PTPRG: variants seen among roughly 807,000 people sequenced by gnomAD.
The protein encoded by PTPRG is protein tyrosine phosphatase receptor type G.
PTPRG carries 102 observed loss-of-function variants against 165.3 expected under a neutral mutation model. The ratio of observed to expected loss-of-function variants is 0.62; its 90% confidence interval spans 0.53 to 0.73. The LOEUF (loss-of-function observed/expected upper bound fraction) is 0.73, where lower values mean the gene tolerates loss of function less well. Ranked by LOEUF, PTPRG falls within the 30% of genes least tolerant of loss-of-function variation. The probability of loss-of-function intolerance (pLI) is 0.00; values close to 1 mark genes in which losing one functional copy is unlikely to be tolerated. For missense variants in PTPRG, 1,866 were observed against 1,861.4 expected (o/e 1.00, Z -0.05); for synonymous variants, 675 against 669.5 (o/e 1.01, Z -0.13).
intron 5 of PTPRG, among the ~76,000 whole-genome samples, chr3:62,105,774 A>G (rs1033673891): frequency 1.5e-4 from 23 of 152,218 alleles, no homozygotes; most frequent in African/African-American, 5.1e-4. Flanking sequence ...TCTTTGAGGT[A>G]TAATTTGTGA....
chr3:61,790,064 T>C (rs1215989240), intron 2 of PTPRG, among the ~76,000 whole-genome samples: 1 of 152,180 alleles, frequency 6.6e-6, no homozygotes, highest in Non-Finnish European at 1.5e-5. Context: ...TTTCTCCCTG[T>C]GTTGCAGAGT....
chr3:62,273,985 T>G lies in PTPRG; in HGVS notation c.3465+141T>G. On this transcript the variant is annotated intron_variant, in intron 23 of 29. Transcript: ENST00000474889. This position sits in a 1 kb window ranked among gnomAD's most constrained non-coding sequence, Gnocchi z 4.1. ...TACTCCTTGTACTCCTTAAATGTGA[T>G]GAAAAAGAAAATACGGTTTTGACCT... 1.2e-6 allele frequency: 1 copy of G among 828,472 alleles called. No individual in the cohort carries two copies. Among genetic ancestry groups the G allele is most frequent in the Non-Finnish European group, 1.8e-6 (1 of 544,092 alleles). The allele number at this position is 828,472 out of a possible 1,614,324, so 51.3% of individuals were successfully genotyped here. A position where few individuals can be genotyped will look rare whatever the true frequency, so the allele number is the denominator to read the frequency against.
At chr3:62,284,678 T>G (rs1702571569) in intron 28 of PTPRG, among the ~76,000 whole-genome samples, 1 of 152,102 alleles carries the variant, frequency 6.6e-6, no homozygotes, top group Non-Finnish European at 1.5e-5. Context: ...ACACGTCACA[T>G]TCAGCATAGC....
At chr3:61,696,283 C>T (rs530238573) in intron 1 of PTPRG, among the ~76,000 whole-genome samples, 19 of 152,266 alleles carry the variant, frequency 1.2e-4, no homozygotes, top group Admixed American at 5.9e-4. Flanking sequence ...GCGTGGTTCG[C>T]CTGAGGCCAG....
intron 2 of PTPRG, among the ~76,000 whole-genome samples, chr3:61,863,348 G>A (rs930847042): frequency 1.3e-5 from 2 of 152,172 alleles, no homozygotes; most frequent in African/African-American, 2.4e-5. Flanking sequence ...TAGGTATATA[G>A]GCATTTGCTC....
At chr3:61,580,236 G>A (rs1700256511) in intron 1 of PTPRG, among the ~76,000 whole-genome samples, 2 of 152,106 alleles carry the variant, frequency 1.3e-5, no homozygotes, top group Admixed American at 1.3e-4. Flanking sequence ...GAGCCCAGGA[G>A]TTTGCAGCCA....
intron 6 of PTPRG, among the ~76,000 whole-genome samples, chr3:62,142,370 C>T (rs1409408743): frequency 6.6e-6 from 1 of 151,920 alleles, no homozygotes; most frequent in African/African-American, 2.4e-5. Context: ...GCTGGCTGGC[C>T]GGGTAGGGGA....
intron 2 of PTPRG, among the ~76,000 whole-genome samples, chr3:61,802,305 G>C (rs1430814531): frequency 6.6e-6 from 1 of 152,134 alleles, no homozygotes; most frequent in Non-Finnish European, 1.5e-5. Context: ...TGACCACTGA[G>C]ACGAGAACCA....
chr3:62,199,205 A>G (rs144623514), intron 10 of PTPRG, among the ~76,000 whole-genome samples: 1,883 of 152,224 alleles, frequency 0.012, 38 homozygotes, highest in Non-Finnish European at 0.013. Context: ...GAGCAGCTCA[A>G]TGATCATGGG....
intron 1 of PTPRG, among the ~76,000 whole-genome samples, chr3:61,636,781 T>G (rs1490176095): frequency 6.6e-6 from 1 of 152,038 alleles, no homozygotes; most frequent in Non-Finnish European, 1.5e-5. Flanking sequence ...TTCAAATGCT[T>G]TTTTTTTGTA....
At chr3:61,905,103 A>G (rs1278005135) in intron 2 of PTPRG, among the ~76,000 whole-genome samples, 2 of 152,170 alleles carry the variant, frequency 1.3e-5, no homozygotes, top group African/African-American at 4.8e-5. Flanking sequence ...GCCACACTAT[A>G]GATATTTGAA....
chr3:61,612,576 G>A (rs1220072848), intron 1 of PTPRG, among the ~76,000 whole-genome samples: 1 of 152,142 alleles, frequency 6.6e-6, no homozygotes, highest in Middle Eastern at 3.2e-3. Context: ...CTTCTCCACT[G>A]CTTTTGAAAG....
At chr3:61,663,050 G>C (rs1702710637) in intron 1 of PTPRG, among the ~76,000 whole-genome samples, 1 of 152,208 alleles carries the variant, frequency 6.6e-6, no homozygotes, top group Non-Finnish European at 1.5e-5. Context: ...TTGGAAGGCT[G>C]AAGTGGGTGG....
chr3:61,757,763 T>G (rs898135774), intron 2 of PTPRG, among the ~76,000 whole-genome samples: 1 of 152,252 alleles, frequency 6.6e-6, no homozygotes, highest in African/African-American at 2.4e-5. Context: ...TTTTCATATC[T>G]GCGATGAATC....
At chr3:61,749,183 A>T (rs2033334856) in intron 2 of PTPRG, 1 of 676,938 alleles carries the variant, frequency 1.5e-6, no homozygotes. Flanking sequence ...CTGTTTCCTC[A>T]ACCTGTTTTC....
At chr3:61,981,394 C>T (rs1307347685) in intron 2 of PTPRG, among the ~76,000 whole-genome samples, 1 of 152,234 alleles carries the variant, frequency 6.6e-6, no homozygotes, top group Non-Finnish European at 1.5e-5. Flanking sequence ...ACACCCTTTG[C>T]TGATTCAATC....
Position 62,203,186 on chromosome 3 carries a change from C to T in PTPRG, c.1391C>T (p.Pro464Leu). 1.3e-6 allele frequency: 2 copies of T among 1,593,556 alleles called. No individual in the cohort carries two copies. The highest frequency in any genetic ancestry group is 1.7e-6 in the Non-Finnish European group (2 of 1,166,698). ...GACCCTTTCCAGCCCACAGCGTCTC[C>T]TGCCTCTTCAGCCGACATGGCCCCC... ...IVKTGVPTAS[P>L]ASSADMAPIS... The change falls in exon 12 of 30, where the codon CCT becomes CTT. Residue 464 changes from proline to leucine, a missense_variant. This residue lies in a region of PTPRG where 1,452 missense variants were observed against 1,463.0 expected (regional missense o/e 0.99). Coordinates refer to ENST00000474889, the MANE Select transcript of PTPRG (RefSeq NM_002841.4). The surrounding 1 kb of genome is among the most constrained non-coding windows in gnomAD (Gnocchi z 6.4).
intron 2 of PTPRG, among the ~76,000 whole-genome samples, chr3:61,834,209 T>G (rs750703808): frequency 1.3e-5 from 2 of 152,244 alleles, no homozygotes; most frequent in Non-Finnish European, 2.9e-5. Context: ...AAAAAGTCTC[T>G]TGTGGTTGCA....
At chr3:62,230,597 ATTTAAGT>A (rs1242161434) in intron 13 of PTPRG, among the ~76,000 whole-genome samples, 2 of 152,226 alleles carry the variant, frequency 1.3e-5, no homozygotes, top group African/African-American at 4.8e-5. Context: ...TGCTACAGTT[ATTTAAGT>A]TTTAAGGAGA....
Sources: allele counts gnomAD v4.1 joint callset (sites outside exome capture counted in the v4.1 genomes callset), GRCh38; gene constraint gnomAD v4.1.1; regional missense constraint gnomAD v4.1.1; non-coding constraint Gnocchi (gnomAD v3.1); transcripts MANE v1.5; gene names NCBI Gene and HGNC (gene_info 2026-07-23, HGNC 2026-07-21).